The following TTL variants were observed in gnomAD, a reference collection of about 807,000 sequenced individuals.
TTL encodes the protein tubulin--tyrosine ligase.
A neutral mutation model predicts 41.1 loss-of-function variants in TTL; 10 were observed. The observed-to-expected ratio is 0.24, with a 90% CI of 0.15 to 0.41. The LOEUF is 0.41. TTL is among the 10% of genes least tolerant of loss of function. TTL has a pLI of 1.00. For synonymous variants in TTL, 175 were observed against 175.5 expected, an observed-to-expected ratio of 1.00 and a Z score of 0.02; for missense variants, 367 against 460.4, an observed-to-expected ratio of 0.80 and a Z score of 1.86.
chr2:112,494,397 C>A, intron 3 of TTL, 22 bp downstream of exon 3: 1 of 1,570,698 alleles, frequency 6.4e-7, no homozygotes. Context: ...CTGCTGTCCC[C>A]TTCTCTATTC....
At chr2:112,513,337 C>A (rs62157525) in intron 5 of TTL, among the ~76,000 whole-genome samples, 2 of 151,740 alleles carry the variant, frequency 1.3e-5, no homozygotes, top group African/African-American at 4.8e-5. Context: ...CCTTCAGTTG[C>A]GAAGTTCTGA....
rs899270054 is a variant in TTL at position 112,482,928 on chromosome 2, T to G, written c.157+427T>G. The stretch of plus-strand genomic sequence containing the variant: ...CTCGTCTGCACTGAGGATTTCTCCC[T>G]GCTTGGCGTGGGCGCGGGCGGGGGA... On this transcript the variant is annotated intron_variant, in intron 1 of 6. Coordinates refer to ENST00000233336, the MANE Select transcript of TTL (RefSeq NM_153712.5). The surrounding 1 kb of genome is among the most constrained non-coding windows in gnomAD (Gnocchi z 5.3). Among the ~76,000 whole-genome samples, 14 of 152,274 alleles carry G rather than the reference T, an allele frequency of 9.2e-5. 2 individuals carry two copies. Among genetic ancestry groups the G allele is most frequent in the Admixed American group, 9.1e-4 (14 of 15,306 alleles).
chr2:112,526,585 A>G (rs1332961161), intron 6 of TTL, among the ~76,000 whole-genome samples: 4 of 152,234 alleles, frequency 2.6e-5, no homozygotes, highest in African/African-American at 9.6e-5. Flanking sequence ...AGAGGTGTTT[A>G]TAGTATTTTC....
In TTL at chr2:112,528,820, GA is replaced by G; in HGVS notation, c.*30del. ...ACAGAGGGCACTCCCTGCTGCCTTG[GA>G]AAAAGCACGGGGTCCTGCTCCAGGG... is the stretch of plus-strand genomic sequence containing the variant. On this transcript the variant is annotated 3_prime_UTR_variant, in exon 7 of 7. Coordinates refer to ENST00000233336, the MANE Select transcript of TTL (RefSeq NM_153712.5). The G allele has an allele frequency of 6.5e-7, 1 of 1,549,946 alleles. No homozygotes were observed. Among genetic ancestry groups the G allele is most frequent in the Non-Finnish European group, 8.9e-7 (1 of 1,121,618 alleles).
intron 6 of TTL, among the ~76,000 whole-genome samples, chr2:112,527,350 TC>T (rs1415477337): frequency 6.6e-6 from 1 of 152,184 alleles, no homozygotes; most frequent in African/African-American, 2.4e-5. Flanking sequence ...AGAGCTGAGT[TC>T]AATTCCTGGA....
intron 5 of TTL, among the ~76,000 whole-genome samples, chr2:112,511,290 T>C (rs1681913776): frequency 6.6e-6 from 1 of 151,898 alleles, no homozygotes; most frequent in African/African-American, 2.4e-5. Flanking sequence ...ATTACAGACA[T>C]GAGCCACTGC....
At chr2:112,494,447 C>G in intron 3 of TTL, 72 bp downstream of exon 3, 2 of 1,165,202 alleles carry the variant, frequency 1.7e-6, no homozygotes, top group East Asian at 4.8e-5. Flanking sequence ...ATGAATGACC[C>G]TATTTTAATC....
intron 2 of TTL, among the ~76,000 whole-genome samples, chr2:112,489,739 C>T (rs1460928933): frequency 6.6e-6 from 1 of 152,172 alleles, no homozygotes; most frequent in Non-Finnish European, 1.5e-5. Context: ...CATAAATTCT[C>T]ACACCTGTCT....
At chr2:112,515,088 A>G (rs1361947880) in intron 5 of TTL, among the ~76,000 whole-genome samples, 2 of 151,956 alleles carry the variant, frequency 1.3e-5, no homozygotes, top group East Asian at 1.9e-4. Context: ...TTTTTTTCAT[A>G]TTATAGTTGT....
chr2:112,531,018 G>T lies in TTL; in HGVS notation c.*2223G>T. 1 of 192,390 alleles carries T rather than the reference G, an allele frequency of 5.2e-6. No individual in the cohort carries two copies. Among genetic ancestry groups the T allele is most frequent in the South Asian group, 1.9e-4 (1 of 5,284 alleles). 11.9% of individuals were successfully genotyped at this position (192,390 alleles called of 1,614,324 possible). ...TGGTCTCACTGTGTTGCCCAGGCTGGATTGCAGTGGCTATTCGCAGTTGTA... is the reference window on the plus strand; with the variant it reads ...TGGTCTCACTGTGTTGCCCAGGCTGTATTGCAGTGGCTATTCGCAGTTGTA... On this transcript the variant is annotated 3_prime_UTR_variant, in exon 7 of 7. Coordinates refer to ENST00000233336, the MANE Select transcript of TTL (RefSeq NM_153712.5).
At chr2:112,520,533 A>G (rs1204748197) in intron 6 of TTL, 108 bp downstream of exon 6, 2 of 1,455,986 alleles carry the variant, frequency 1.4e-6, no homozygotes, top group South Asian at 1.3e-5. Context: ...GGAGGATGCC[A>G]CAGTGATAGG....
Position 112,532,628 on chromosome 2 carries a change from A to G in TTL, c.*3833A>G, listed in dbSNP as rs1471005551. The G allele has an allele frequency of 1.1e-5, 2 of 184,420 alleles. No homozygotes were observed. The highest frequency in any genetic ancestry group is 2.3e-5 in the Non-Finnish European group (2 of 86,950). 11.4% of individuals were successfully genotyped at this position (184,420 alleles called of 1,614,324 possible). A position where few individuals can be genotyped will look rare whatever the true frequency, so the allele number is the denominator to read the frequency against. The stretch of plus-strand genomic sequence containing the variant: ...AAGACCCTGTCTCAAAAGTAAATAA[A>G]TAATAAAGTAAATATAAATCCATGA... On this transcript the variant is annotated 3_prime_UTR_variant, in exon 7 of 7. Transcript: ENST00000233336.
chr2:112,484,636 G>A (rs1681191318), intron 1 of TTL, among the ~76,000 whole-genome samples: 1 of 152,138 alleles, frequency 6.6e-6, no homozygotes, highest in South Asian at 2.1e-4. Flanking sequence ...ACTGTTAAGG[G>A]ATATTTACCT....
rs917691708 is a variant in TTL at position 112,498,839 on chromosome 2, G to A, written c.470-2367G>A. On this transcript the variant is annotated intron_variant, in intron 3 of 6. Coordinates refer to ENST00000233336, the MANE Select transcript of TTL (RefSeq NM_153712.5). Reference sequence around the variant, plus strand: ...AGAATCGCTTGGGCCCAGCCTAGGCGACAAGACCAAGACTCCATCTCAATC... The same window carrying A: ...AGAATCGCTTGGGCCCAGCCTAGGCAACAAGACCAAGACTCCATCTCAATC... 3.9e-5 allele frequency among the ~76,000 whole-genome samples: 6 copies of A among 152,002 alleles called. No individual in the cohort carries two copies. The South Asian group carries it at 6.2e-4, about 16-fold the overall frequency.
At chr2:112,511,835 T>C (rs1681928122) in intron 5 of TTL, among the ~76,000 whole-genome samples, 1 of 151,962 alleles carries the variant, frequency 6.6e-6, no homozygotes, top group African/African-American at 2.4e-5. Flanking sequence ...CCTCCCAGAG[T>C]GCTAGGATTA....
chr2:112,496,182 C>CA, intron 3 of TTL, among the ~76,000 whole-genome samples: 1 of 152,186 alleles, frequency 6.6e-6, no homozygotes. Flanking sequence ...ACTGTGAGGA[C>CA]ACCTGGTGAT....
In TTL at chr2:112,520,443, T is replaced by C. The variant is rs369143116; in HGVS notation, c.1019+18T>C. Reference sequence around the variant, plus strand: ...TGTGCTCAGTAAGCCTGCACGTCATTGTGTTTTTACAAGTGGGAAGTTGGT... The same window carrying C: ...TGTGCTCAGTAAGCCTGCACGTCATCGTGTTTTTACAAGTGGGAAGTTGGT... On this transcript the variant is annotated intron_variant, in intron 6 of 6. Coordinates refer to ENST00000233336, the MANE Select transcript of TTL (RefSeq NM_153712.5). 2.2e-4 allele frequency: 349 copies of C among 1,610,122 alleles called. 1 individual carries two copies. Among genetic ancestry groups the C allele is most frequent in the Non-Finnish European group, 2.8e-4 (334 of 1,177,528 alleles).
chr2:112,488,574 A>G (rs1369283433), intron 2 of TTL, among the ~76,000 whole-genome samples: 2 of 151,442 alleles, frequency 1.3e-5, no homozygotes, highest in African/African-American at 4.9e-5. Context: ...TCTGGCCAGC[A>G]TGGTAAAACC....
At position 112,534,742 on chromosome 2, in the gene TTL, A is replaced by G. The variant is rs1346859055; in HGVS notation, c.*5947A>G. The G allele has an allele frequency of 6.6e-6, 1 of 152,244 alleles. No homozygotes were observed. The highest frequency in any genetic ancestry group is 1.5e-5 in the Non-Finnish European group (1 of 68,048). The allele number at this position is 152,244 out of a possible 1,614,324, so 9.4% of individuals were successfully genotyped here. On this transcript the variant is annotated 3_prime_UTR_variant, in exon 7 of 7. Coordinates refer to ENST00000233336, the MANE Select transcript of TTL (RefSeq NM_153712.5). ...AAACTGACCAAAAGACTTAGAAGGA[A>G]AAACTGGGAATGAGATTTCTATAGG...
Sources: gnomAD v4.1 joint callset for allele counts (sites outside exome capture counted in the v4.1 genomes callset) on GRCh38, gnomAD v4.1.1 for gene constraint, Gnocchi (gnomAD v3.1) non-coding constraint, MANE v1.5 for transcripts, NCBI Gene and HGNC (gene_info 2026-07-23, HGNC 2026-07-21) for gene names.